The following TIMM17A variants were observed in gnomAD, a reference collection of about 807,000 sequenced individuals.
TIMM17A encodes mitochondrial import inner membrane translocase subunit Tim17-A.
A neutral mutation model predicts 26.5 loss-of-function variants in TIMM17A; 15 were observed. That is an observed-to-expected ratio of 0.57 (90% CI 0.38 to 0.87). The LOEUF (loss-of-function observed/expected upper bound fraction) is 0.87, where lower values mean the gene tolerates loss of function less well. TIMM17A is among the 40% of genes least tolerant of loss of function. TIMM17A has a pLI of 0.00. For synonymous variants in TIMM17A, 80 were observed against 70.8 expected (o/e 1.13, Z -0.66); for missense variants, 201 against 210.0 (o/e 0.96, Z 0.27).
At position 201,969,604 on chromosome 1, in the gene TIMM17A, G is replaced by T. The variant is rs748433267; in HGVS notation, c.*50G>T. ...ACAGAACGAGTTGTGGTTCGAGAAGGATTTCAGAAGATCAAGTTACAGTCT... is the reference window on the plus strand; with the variant it reads ...ACAGAACGAGTTGTGGTTCGAGAAGTATTTCAGAAGATCAAGTTACAGTCT... On this transcript the variant is annotated 3_prime_UTR_variant, in exon 6 of 6. Coordinates refer to ENST00000367287, the MANE Select transcript of TIMM17A (RefSeq NM_006335.3). 1 of 1,459,664 alleles carries T rather than the reference G, an allele frequency of 6.9e-7. No individual in the cohort carries two copies. Among genetic ancestry groups the T allele is most frequent in the Non-Finnish European group, 9.6e-7 (1 of 1,041,360 alleles). The allele number at this position is 1,459,664 out of a possible 1,614,324, so 90.4% of individuals were successfully genotyped here.
intron 3 of TIMM17A, chr1:201,962,656 G>A (rs1017607438): frequency 5.3e-5 from 8 of 152,158 alleles, no homozygotes; most frequent in African/African-American, 1.7e-4. Flanking sequence ...GGCTGTTTTT[G>A]TATTTAGATA....
At chr1:201,966,975 T>TG in intron 5 of TIMM17A, among the ~76,000 whole-genome samples, 1 of 138,976 alleles carries the variant, frequency 7.2e-6, no homozygotes, top group East Asian at 2.0e-4. Context: ...ATTATATATG[T>TG]TGTATATTAT....
At chr1:201,957,443 T>C in intron 2 of TIMM17A, 63 bp downstream of exon 2, 2 of 1,592,594 alleles carry the variant, frequency 1.3e-6, no homozygotes, top group African/African-American at 2.7e-5. Flanking sequence ...ATATTACTGG[T>C]GGTCCCATCA....
chr1:201,966,274 A>C (rs868567993), intron 5 of TIMM17A, among the ~76,000 whole-genome samples: 2 of 152,254 alleles, frequency 1.3e-5, no homozygotes, highest in Admixed American at 6.5e-5. Context: ...AGGCACGAGA[A>C]TCAGTTGAAC....
chr1:201,966,097 C>T (rs957282193), intron 5 of TIMM17A, among the ~76,000 whole-genome samples: 1 of 152,092 alleles, frequency 6.6e-6, no homozygotes, highest in African/African-American at 2.4e-5. Context: ...ATGTGTTAGC[C>T]CGGCTAATTT....
At chr1:201,956,133 G>A (rs966882654) in intron 1 of TIMM17A, among the ~76,000 whole-genome samples, 1 of 152,052 alleles carries the variant, frequency 6.6e-6, no homozygotes, top group East Asian at 1.9e-4. Flanking sequence ...AGGGTAGAGG[G>A]GGACAAAAAT....
chr1:201,967,727 G>A (rs966507985), intron 5 of TIMM17A, among the ~76,000 whole-genome samples: 1 of 151,752 alleles, frequency 6.6e-6, no homozygotes, highest in African/African-American at 2.4e-5. Context: ...ATTTTTTGTA[G>A]AGATGAGGTC....
At chr1:201,960,103 T>A (rs1407232964) in intron 3 of TIMM17A, among the ~76,000 whole-genome samples, 2 of 151,696 alleles carry the variant, frequency 1.3e-5, no homozygotes, top group East Asian at 3.9e-4. Context: ...GGACTTCAGT[T>A]AATAGTAATG....
At chr1:201,967,145 G>A (rs1218435326) in intron 5 of TIMM17A, among the ~76,000 whole-genome samples, 1 of 151,752 alleles carries the variant, frequency 6.6e-6, no homozygotes, top group Non-Finnish European at 1.5e-5. Context: ...CATAAAGTTA[G>A]GAATAGATCA....
At chr1:201,961,858 G>C (rs1323681332) in intron 3 of TIMM17A, among the ~76,000 whole-genome samples, 2 of 151,530 alleles carry the variant, frequency 1.3e-5, no homozygotes, top group Non-Finnish European at 2.9e-5. Context: ...ACCTGCTTGG[G>C]CTATGGTACC....
Position 201,957,333 on chromosome 1 carries a change from G to T in TIMM17A, c.79G>T (p.Gly27Cys), listed in dbSNP as rs1173144931. The T allele has an allele frequency of 6.2e-7, 1 of 1,613,880 alleles. No homozygotes were observed. The highest frequency in any genetic ancestry group is 1.3e-5 in the African/African-American group (1 of 75,016). ...CGGAFTMGTI[G>C]GGIFQAIKGF... ...TGGGGCCTTTACGATGGGTACCATTGGTGGTGGTATCTTTCAAGCAATCAA... is the reference window on the plus strand; with the variant it reads ...TGGGGCCTTTACGATGGGTACCATTTGTGGTGGTATCTTTCAAGCAATCAA... The change falls in exon 2 of 6, where the codon GGT (glycine) becomes TGT (cysteine). Residue 27 changes from glycine (G) to cysteine (C), a missense_variant. By Grantham distance (159) the Gly-to-Cys change is radical. Transcript: ENST00000367287.
At chr1:201,969,389 T>A (rs1682692313) in intron 5 of TIMM17A, 80 bp from the exon 6 acceptor site, 5 of 1,143,286 alleles carry the variant, frequency 4.4e-6, no homozygotes, top group Non-Finnish European at 3.8e-6. Flanking sequence ...GTTGATTGAT[T>A]TACTCTCTAT....
chr1:201,967,714 T>C (rs1682660705), intron 5 of TIMM17A, among the ~76,000 whole-genome samples: 1 of 151,646 alleles, frequency 6.6e-6, no homozygotes, highest in Non-Finnish European at 1.5e-5. Context: ...GGCTAATTTT[T>C]ATATTTTTTG....
At chr1:201,957,401 A>C (rs762554316) in intron 2 of TIMM17A, 21 bp downstream of exon 2, 18 of 1,602,882 alleles carry the variant, frequency 1.1e-5, no homozygotes, top group Non-Finnish European at 1.5e-5. Flanking sequence ...GAATGGTCTT[A>C]TTTTATCATC....
intron 5 of TIMM17A, among the ~76,000 whole-genome samples, chr1:201,968,289 C>T (rs562919017): frequency 3.9e-5 from 6 of 151,928 alleles, no homozygotes; most frequent in African/African-American, 1.4e-4. Context: ...GCCATCGCGC[C>T]CAGCAAAAAA....
intron 2 of TIMM17A, 29 bp downstream of exon 2, chr1:201,957,409 A>T: frequency 6.3e-7 from 1 of 1,597,534 alleles, no homozygotes; most frequent in Non-Finnish European, 8.6e-7. Flanking sequence ...TTATTTTATC[A>T]TCACTTGCAA....
Position 201,970,331 on chromosome 1 carries a change from T to G in TIMM17A, c.*777T>G, listed in dbSNP as rs1682711063. ...GTTTCTTGTATGCTTGAAAATAAAG[T>G]ATGTACTGTTTTGAATGTGTTCCAA... On this transcript the variant is annotated 3_prime_UTR_variant, in exon 6 of 6. Coordinates refer to ENST00000367287, the MANE Select transcript of TIMM17A (RefSeq NM_006335.3). 1 of 152,214 alleles carries G rather than the reference T, an allele frequency of 6.6e-6. No homozygotes were observed. Among genetic ancestry groups the G allele is most frequent in the Non-Finnish European group, 1.5e-5 (1 of 68,064 alleles). 9.4% of individuals were successfully genotyped at this position (152,214 alleles called of 1,614,324 possible).
chr1:201,955,615 TG>T, intron 1 of TIMM17A, 63 bp downstream of exon 1: 3 of 1,610,614 alleles, frequency 1.9e-6, no homozygotes, highest in Non-Finnish European at 2.5e-6. Flanking sequence ...CCTTCTCCCT[TG>T]TCCAGGCTCC....
chr1:201,955,664 T>C, intron 1 of TIMM17A, 112 bp downstream of exon 1: 10 of 1,463,292 alleles, frequency 6.8e-6, no homozygotes, highest in Non-Finnish European at 9.5e-6. Flanking sequence ...CCTCGTCGAC[T>C]TGGGCCTGGT....
Sources: allele counts gnomAD v4.1 joint callset (sites outside exome capture counted in the v4.1 genomes callset), GRCh38; gene constraint gnomAD v4.1.1; transcripts MANE v1.5; gene names NCBI Gene and HGNC (gene_info 2026-07-23, HGNC 2026-07-21).